The following ERMP1 variants were observed in gnomAD, a reference collection of about 807,000 sequenced individuals.
ERMP1 encodes endoplasmic reticulum metallopeptidase 1.
Under a neutral mutation model 92.0 loss-of-function variants are expected in ERMP1, and 86 were observed. That is an observed-to-expected ratio of 0.93 (90% CI 0.79 to 1.12). The LOEUF (loss-of-function observed/expected upper bound fraction) is 1.12, where lower values mean the gene tolerates loss of function less well. Among genes scored for constraint, ERMP1 ranks in the 50% most tolerant of loss-of-function variants. The probability of loss-of-function intolerance (pLI) is 0.00; values close to 1 mark genes in which losing one functional copy is unlikely to be tolerated. For missense variants in ERMP1, 1,342 were observed against 1,116.3 expected (o/e 1.20, Z -2.88); for synonymous variants, 530 against 412.8 (o/e 1.28, Z -3.44).
At chr9:5,797,424 C>T in intron 13 of ERMP1, among the ~76,000 whole-genome samples, 1 of 151,962 alleles carries the variant, frequency 6.6e-6, no homozygotes, top group Non-Finnish European at 1.5e-5. Flanking sequence ...CCGAGGCAGG[C>T]AGACCATGAG....
chr9:5,843,601 T>C (rs1405064333), intron 6 of ERMP1, among the ~76,000 whole-genome samples: 1 of 152,226 alleles, frequency 6.6e-6, no homozygotes, highest in African/African-American at 2.4e-5. Context: ...CTTTCTTCTC[T>C]CCTTCTTAGT....
chr9:5,788,581 C>A (rs1038970836), intron 13 of ERMP1, among the ~76,000 whole-genome samples: 2 of 152,102 alleles, frequency 1.3e-5, no homozygotes, highest in African/African-American at 4.8e-5. Context: ...GACTTTCTTA[C>A]ACTGACAGAA....
At chr9:5,805,556 G>GTC in intron 9 of ERMP1, 55 bp downstream of exon 9, 1 of 1,418,666 alleles carries the variant, frequency 7.0e-7, no homozygotes, top group Non-Finnish European at 9.4e-7. Context: ...GTCCCTGAAA[G>GTC]CCTTAAGTAT....
At chr9:5,804,519 T>A (rs1586785052) in intron 10 of ERMP1, among the ~76,000 whole-genome samples, 1 of 152,178 alleles carries the variant, frequency 6.6e-6, no homozygotes, top group Non-Finnish European at 1.5e-5. Context: ...CGTTTGGGTG[T>A]CATAACAGAC....
intron 4 of ERMP1, 152 bp from the exon 5 acceptor site, chr9:5,813,187 T>A (rs1264019920): frequency 2.8e-6 from 2 of 720,626 alleles, no homozygotes; most frequent in Admixed American, 2.8e-5. Context: ...TAGTTTCCAA[T>A]GTTTCTCTGA....
Position 5,797,931 on chromosome 9 carries a change from T to C in ERMP1, c.2272A>G (p.Lys758Glu). ...WYLPVHFLIR[K>E]NWYLPAPEVS... ...TCTGGGGCAGGAAGATACCAGTTTT[T>C]CCTATTTAGAAAGGAAGCTTCAGTT... The change falls in exon 13 of 15, where the codon AAA becomes GAA. Residue 758 changes from lysine to glutamate, a missense_variant and splice_region_variant. By Grantham distance (56) the Lys-to-Glu change is moderately conservative. Transcript: ENST00000339450. The C allele has an allele frequency of 1.9e-6, 3 of 1,598,652 alleles. No individual in the cohort carries two copies. The highest frequency in any genetic ancestry group is 2.6e-6 in the Non-Finnish European group (3 of 1,166,910).
At chr9:5,863,376 T>C (rs951698812) in intron 5 of ERMP1, among the ~76,000 whole-genome samples, 1 of 152,232 alleles carries the variant, frequency 6.6e-6, no homozygotes, top group Non-Finnish European at 1.5e-5. Context: ...AACATTCTTA[T>C]GTCTAAACCA....
rs1563759465 is a variant in ERMP1 at position 5,811,250 on chromosome 9, A to G, written c.1188T>C (p.His396=). 4.3e-6 allele frequency: 7 copies of G among 1,614,042 alleles called. No individual in the cohort carries two copies. The South Asian group carries it at 7.7e-5, about 18-fold the overall frequency. The change falls in exon 7 of 15, where the codon CAT becomes CAC. Residue 396 remains histidine (H), a synonymous_variant. Transcript: ENST00000339450. ...DMLAAASKYR[H]GNMVFFDVLG... is the part of the protein sequence containing the mutation. ...GCACATCAAAGAAGACCATGTTTCC[A>G]TGTCGATACTTAGAAGCAGCAGCCA...
intron 5 of ERMP1, among the ~76,000 whole-genome samples, chr9:5,861,183 G>GTGTGTGTGTGTA (rs1288410540): frequency 7.2e-6 from 1 of 139,232 alleles, no homozygotes; most frequent in Admixed American, 7.3e-5. Context: ...GTGTGTGTGT[G>GTGTGTGTGTGTA]TGTGTGTGTG....
rs143418524 is a variant in ERMP1, at chr9:5,845,739, C to T, written n.3200-12427G>A. On this transcript the variant is annotated intron_variant and non_coding_transcript_variant, in intron 6 of 6. Coordinates refer to the ERMP1 transcript ENST00000690753. ...GCCCTCTTAGAGCAGACAGTGGAGTCAACTCTTGCCTCAGGAGAGCACGCC... is the reference window on the plus strand; with the variant it reads ...GCCCTCTTAGAGCAGACAGTGGAGTTAACTCTTGCCTCAGGAGAGCACGCC... Among the ~76,000 whole-genome samples, 1,397 of 152,312 alleles carry T rather than the reference C, an allele frequency of 9.2e-3. 8 individuals carry two copies. The highest frequency in any genetic ancestry group is 0.015 in the Non-Finnish European group (1,023 of 68,036).
chr9:5,830,827 A>C lies in ERMP1; in HGVS notation c.540T>G (p.Tyr180Ter), dbSNP rs370710127. ...IDFLGGFTSY[Y>*]DNITNVVVKL... ...TTACCACAACATTGGTGATGTTGTCATAATAGCTTGTAAAACCTCCCAAGA... is the reference window on the plus strand; with the variant it reads ...TTACCACAACATTGGTGATGTTGTCCTAATAGCTTGTAAAACCTCCCAAGA... Residue 180 changes from tyrosine (Y) to a stop codon, truncating the protein, a stop_gained, in exon 2 of 15, where the codon TAT (tyrosine) becomes TAG (stop). Coordinates refer to ENST00000339450, the MANE Select transcript of ERMP1 (RefSeq NM_024896.3). LOFTEE classifies it high-confidence loss of function. 1.2e-6 allele frequency: 2 copies of C among 1,613,676 alleles called. No homozygotes were observed. Among genetic ancestry groups the C allele is most frequent in the Non-Finnish European group, 1.7e-6 (2 of 1,179,550 alleles).
intron 4 of ERMP1, among the ~76,000 whole-genome samples, chr9:5,815,060 G>A (rs148951602): frequency 1.4e-3 from 207 of 152,254 alleles, no homozygotes; most frequent in African/African-American, 4.9e-3. Context: ...ACACAAATGT[G>A]AGTAATTGGA....
intron 8 of ERMP1, among the ~76,000 whole-genome samples, chr9:5,807,921 C>T (rs746948243): frequency 1.3e-5 from 2 of 152,134 alleles, no homozygotes; most frequent in African/African-American, 2.4e-5. Flanking sequence ...CCTTCCCAAA[C>T]GAAACTGAGA....
At chr9:5,826,987 C>G (rs1829752390) in intron 2 of ERMP1, among the ~76,000 whole-genome samples, 1 of 152,142 alleles carries the variant, frequency 6.6e-6, no homozygotes, top group Non-Finnish European at 1.5e-5. Context: ...TCTATAAGGG[C>G]TAGGTGGTTA....
At chr9:5,812,049 G>T in intron 6 of ERMP1, 76 bp downstream of exon 6, 3 of 930,434 alleles carry the variant, frequency 3.2e-6, no homozygotes, top group Non-Finnish European at 5.1e-6. Context: ...ACAGGCCACA[G>T]AATATTTACA....
At chr9:5,850,427 A>AAAAAAAG (rs142972934) in intron 6 of ERMP1, among the ~76,000 whole-genome samples, 253 of 144,432 alleles carry the variant, frequency 1.8e-3, no homozygotes, top group Non-Finnish European at 2.8e-3. Context: ...AAAAAAAAAA[A>AAAAAAAG]AAGAAGAAGA....
chr9:5,821,121 A>G (rs188053910), intron 4 of ERMP1, among the ~76,000 whole-genome samples: 2 of 152,350 alleles, frequency 1.3e-5, no homozygotes, highest in Admixed American at 6.5e-5. Context: ...GAACAAGTAA[A>G]ACATTTAAAT....
chr9:5,806,806 A>G (rs1447638509), intron 8 of ERMP1, among the ~76,000 whole-genome samples: 1 of 152,126 alleles, frequency 6.6e-6, no homozygotes, highest in Non-Finnish European at 1.5e-5. Flanking sequence ...TGAAAGTTTT[A>G]ATTACGGTGC....
At chr9:5,847,881 C>T (rs1341500009) in intron 6 of ERMP1, among the ~76,000 whole-genome samples, 5 of 148,406 alleles carry the variant, frequency 3.4e-5, no homozygotes, top group Middle Eastern at 3.2e-3. Context: ...GGCGACAGAG[C>T]GAGACTCCGT....
Sources: allele counts gnomAD v4.1 joint callset (sites outside exome capture counted in the v4.1 genomes callset), GRCh38; gene constraint gnomAD v4.1.1; transcripts MANE v1.5; gene names NCBI Gene and HGNC (gene_info 2026-07-23, HGNC 2026-07-21).